The following MYO5A variants were observed in gnomAD, a reference collection of about 807,000 sequenced individuals.
MYO5A encodes the protein myosin VA.
MYO5A carries 98 observed loss-of-function variants against 249.7 expected under a neutral mutation model. The ratio of observed to expected loss-of-function variants is 0.39; its 90% CI spans 0.33 to 0.46. The LOEUF (loss-of-function observed/expected upper bound fraction) is 0.46. Ranked by LOEUF, MYO5A falls within the 20% of genes least tolerant of loss-of-function variation. The pLI, the probability that MYO5A is intolerant of heterozygous loss-of-function variation, is 0.98. For synonymous variants in MYO5A, 778 were observed against 810.6 expected (o/e 0.96, Z 0.68); for missense variants, 1,696 against 2,308.8 (o/e 0.73, Z 5.44).
At chr15:52,475,502 C>T (rs914725867) in intron 1 of MYO5A, among the ~76,000 whole-genome samples, 2 of 152,152 alleles carry the variant, frequency 1.3e-5, no homozygotes, top group African/African-American at 2.4e-5. Context: ...TTAGATCTTT[C>T]CTGGTTTCTC....
chr15:52,423,876 T>C (rs535954346), intron 4 of MYO5A, among the ~76,000 whole-genome samples: 5 of 152,306 alleles, frequency 3.3e-5, no homozygotes, highest in African/African-American at 1.2e-4. Context: ...GCCATAAATA[T>C]TCATATAAAC....
chr15:52,316,408 G>A (rs1393117252), intron 40 of MYO5A, among the ~76,000 whole-genome samples: 1 of 152,010 alleles, frequency 6.6e-6, no homozygotes, highest in African/African-American at 2.4e-5. Context: ...CAGATTAATG[G>A]GACCTTCCCT....
upstream of MYO5A, chr15:52,528,903 C>T (rs532569377): frequency 2.6e-3 from 3,110 of 1,217,104 alleles, 72 homozygotes; most frequent in African/African-American, 0.043. Context: ...CAGCCGCCGG[C>T]AGGGAGCAGG....
intron 12 of MYO5A, 41 bp downstream of exon 12, chr15:52,391,889 T>C: frequency 1.9e-6 from 3 of 1,594,180 alleles, no homozygotes; most frequent in Non-Finnish European, 2.6e-6. Flanking sequence ...CCTTGATACA[T>C]CTATTTTGAT....
At position 52,312,306 on chromosome 15, in the gene MYO5A, T is replaced by A. The variant is rs2037801886; in HGVS notation, c.*1390A>T. The A allele has an allele frequency of 6.6e-6, 1 of 152,208 alleles. No individual in the cohort carries two copies. The highest frequency in any genetic ancestry group is 2.1e-4 in the South Asian group (1 of 4,832). The allele number at this position is 152,208 out of a possible 1,614,324, so 9.4% of individuals were successfully genotyped here. A position where few individuals can be genotyped will look rare whatever the true frequency, so the allele number is the denominator to read the frequency against. On this transcript the variant is annotated 3_prime_UTR_variant, in exon 42 of 42. Coordinates refer to ENST00000399233, the MANE Select transcript of MYO5A (RefSeq NM_001382347.1). ...TTATTATATACCTTCTTTTGCATAA[T>A]CAAAGTTTCAAGACCTGAATCGTGA...
At chr15:52,376,707 T>A (rs1021980717) in intron 18 of MYO5A, 149 bp from the exon 19 acceptor site, 2 of 720,814 alleles carry the variant, frequency 2.8e-6, no homozygotes, top group African/African-American at 3.6e-5. Flanking sequence ...AGCCAGATTT[T>A]TAATCCTATG....
intron 1 of MYO5A, among the ~76,000 whole-genome samples, chr15:52,477,713 G>T (rs912369584): frequency 1.7e-4 from 26 of 152,196 alleles, no homozygotes; most frequent in African/African-American, 6.3e-4. Context: ...ACCAGTGGAG[G>T]CTGCAGAACT....
chr15:52,488,805 A>G (rs2076876440), intron 1 of MYO5A, among the ~76,000 whole-genome samples: 1 of 152,244 alleles, frequency 6.6e-6, no homozygotes, highest in South Asian at 2.1e-4. Flanking sequence ...AACTTTTCAA[A>G]ATAAAAAGTT....
Position 52,365,325 on chromosome 15 carries a change from G to A in MYO5A, c.3161-623C>T, listed in dbSNP as rs901758706. Reference sequence around the variant, plus strand: ...TTGGTCATCCCCACGCGCTGCTGAGGAAACCTTGCCTTCTCCATTTACCTA... The same window carrying A: ...TTGGTCATCCCCACGCGCTGCTGAGAAAACCTTGCCTTCTCCATTTACCTA... On this transcript the variant is annotated intron_variant, in intron 23 of 41. Coordinates refer to ENST00000399233, the MANE Select transcript of MYO5A (RefSeq NM_001382347.1). 2.9e-4 allele frequency among the ~76,000 whole-genome samples: 44 copies of A among 152,180 alleles called. 2 individuals carry two copies. Among genetic ancestry groups the A allele is most frequent in the Admixed American group, 2.9e-3 (44 of 15,278 alleles).
chr15:52,322,467 T>C (rs1567018476), intron 37 of MYO5A, among the ~76,000 whole-genome samples: 1 of 152,198 alleles, frequency 6.6e-6, no homozygotes, highest in Non-Finnish European at 1.5e-5. Context: ...CTCTGCTCCT[T>C]GTGGCCAAGA....
rs1184442592 is a variant in MYO5A at position 52,311,886 on chromosome 15, T to C, written c.*1810A>G. ...ATTTATCTTTTAATAACAATCTTTA[T>C]CACTGATATGAAGCTGTTTGACTTC... On this transcript the variant is annotated 3_prime_UTR_variant, in exon 42 of 42. Transcript: ENST00000399233. 1.3e-5 allele frequency: 2 copies of C among 152,622 alleles called. No individual in the cohort carries two copies. Among genetic ancestry groups the C allele is most frequent in the Admixed American group, 6.5e-5 (1 of 15,280 alleles). The allele number at this position is 152,622 out of a possible 1,614,324, so 9.5% of individuals were successfully genotyped here.
At chr15:52,482,645 T>A (rs1456231574) in intron 1 of MYO5A, among the ~76,000 whole-genome samples, 1 of 146,322 alleles carries the variant, frequency 6.8e-6, no homozygotes, top group African/African-American at 2.6e-5. Flanking sequence ...CTGTTCATAA[T>A]TTTTTTTTTT....
Position 52,377,420 on chromosome 15 carries a change from C to CA in MYO5A, c.2209-863dup, listed in dbSNP as rs879602292. ...CTAGCAACAGAGCAAGAATCCGTCT[C>CA]AAAAAAAAAAAATCCTTTCAAACTC... On this transcript the variant is annotated intron_variant, in intron 18 of 41. Transcript: ENST00000399233. 5.9e-3 allele frequency among the ~76,000 whole-genome samples: 795 copies of CA among 134,852 alleles called. 7 individuals carry two copies. Among genetic ancestry groups the CA allele is most frequent in the African/African-American group, 0.017 (623 of 36,710 alleles). The allele number at this position is 134,852 out of a possible 152,430, so 88.5% of individuals were successfully genotyped here.
intron 10 of MYO5A, 100 bp from the exon 11 acceptor site, chr15:52,396,497 C>T (rs1039101043): frequency 4.3e-6 from 3 of 704,004 alleles, no homozygotes; most frequent in Non-Finnish European, 7.4e-6. Flanking sequence ...GTGGGACATT[C>T]CCCAACATTG....
In MYO5A at chr15:52,396,340, T is replaced by C; in HGVS notation, c.1377A>G (p.Glu459=). The part of the protein sequence containing the change: ...FEQFCINYAN[E]KLQQQFNMHV... ...CCATATTGAATTGTTGCTGTAGTTT[T>C]TCATTTGCATAATTTATGCAAAACT... is the stretch of plus-strand genomic sequence containing the variant. Residue 459 remains glutamate (E), a synonymous_variant, in exon 11 of 42, where the codon GAA becomes GAG. Transcript: ENST00000399233. The C allele has an allele frequency of 6.4e-7, 1 of 1,559,272 alleles. No individual in the cohort carries two copies. The highest frequency in any genetic ancestry group is 8.8e-7 in the Non-Finnish European group (1 of 1,133,164).
intron 1 of MYO5A, among the ~76,000 whole-genome samples, chr15:52,463,846 A>C (rs1171394038): frequency 6.6e-6 from 1 of 152,228 alleles, no homozygotes; most frequent in African/African-American, 2.4e-5. Context: ...TCCAGATGGA[A>C]GAAGAGCATA....
chr15:52,336,437 C>A lies in MYO5A; in HGVS notation c.4408+26G>T, dbSNP rs370545993. 3.9e-5 allele frequency: 57 copies of A among 1,448,316 alleles called. No homozygotes were observed. In the African/African-American group the frequency reaches 7.1e-4, roughly 18 times the overall value. The allele number at this position is 1,448,316 out of a possible 1,614,324, so 89.7% of individuals were successfully genotyped here. ...CAAGACTCAAACCAAGACTCAGTGA[C>A]CGTCTTGAAAAAAAGGTTTAAATAC... On this transcript the variant is annotated intron_variant, in intron 34 of 41. Coordinates refer to ENST00000399233, the MANE Select transcript of MYO5A (RefSeq NM_001382347.1).
intron 1 of MYO5A, among the ~76,000 whole-genome samples, chr15:52,447,449 A>G (rs1336611002): frequency 6.6e-6 from 1 of 152,166 alleles, no homozygotes; most frequent in East Asian, 1.9e-4. Context: ...TCCCAGTCCC[A>G]GGTATTTCTT....
chr15:52,455,967 AATCAG>A (rs1262937822), intron 1 of MYO5A, among the ~76,000 whole-genome samples: 5 of 152,124 alleles, frequency 3.3e-5, no homozygotes, highest in Non-Finnish European at 7.4e-5. Context: ...TCACCAGAGC[AATCAG>A]ATAAGAGAAA....
Sources: gnomAD v4.1 joint callset for allele counts (sites outside exome capture counted in the v4.1 genomes callset) on GRCh38, gnomAD v4.1.1 for gene constraint, MANE v1.5 for transcripts, NCBI Gene and HGNC (gene_info 2026-07-23, HGNC 2026-07-21) for gene names.